The following PRKCE variants were observed in gnomAD, a reference collection of about 807,000 sequenced individuals.
The protein encoded by PRKCE is protein kinase C epsilon type.
Under a neutral mutation model 85.4 loss-of-function variants are expected in PRKCE, and 16 were observed. The observed-to-expected ratio is 0.19, with a 90% CI of 0.13 to 0.28. The LOEUF (loss-of-function observed/expected upper bound fraction) is 0.28, where lower values mean the gene tolerates loss of function less well. Among genes scored for constraint, PRKCE ranks in the 10% least tolerant of loss-of-function variants. PRKCE has a pLI of 1.00. For synonymous variants in PRKCE, 388 were observed against 371.5 expected (o/e 1.04, Z -0.51); for missense variants, 573 against 975.2 (o/e 0.59, Z 5.49).
intron 2 of PRKCE, among the ~76,000 whole-genome samples, chr2:45,960,289 G>C (rs965579578): frequency 6.6e-6 from 1 of 152,176 alleles, no homozygotes; most frequent in African/African-American, 2.4e-5. Context: ...CTTAGTGCCG[G>C]TTTCCTCATT....
chr2:46,085,261 G>C (rs1310449852), intron 10 of PRKCE, among the ~76,000 whole-genome samples: 1 of 152,122 alleles, frequency 6.6e-6, no homozygotes, highest in East Asian at 1.9e-4. Flanking sequence ...CCTTGCAGGA[G>C]GAAACCATAG....
At chr2:45,857,225 TG>T (rs1692750857) in intron 2 of PRKCE, among the ~76,000 whole-genome samples, 1 of 152,236 alleles carries the variant, frequency 6.6e-6, no homozygotes, top group South Asian at 2.1e-4. Flanking sequence ...AAAATGCTTC[TG>T]GAAGTCAAAG....
At chr2:45,929,350 G>A (rs2104022978) in intron 2 of PRKCE, among the ~76,000 whole-genome samples, 2 of 152,324 alleles carry the variant, frequency 1.3e-5, no homozygotes, top group South Asian at 4.1e-4. Context: ...GTTCCTCCCG[G>A]CGGAAGATGC....
Position 46,004,098 on chromosome 2 carries a change from A to G in PRKCE, c.967-444A>G, listed in dbSNP as rs1157661082. 8.3e-6 allele frequency: 2 copies of G among 240,338 alleles called. No individual in the cohort carries two copies. Among genetic ancestry groups the G allele is most frequent in the Non-Finnish European group, 1.7e-5 (2 of 119,576 alleles). 14.9% of individuals were successfully genotyped at this position (240,338 alleles called of 1,614,324 possible). A position where few individuals can be genotyped will look rare whatever the true frequency, so the allele number is the denominator to read the frequency against. On this transcript the variant is annotated intron_variant, in intron 7 of 14. Transcript: ENST00000306156. This position sits in a 1 kb window ranked among gnomAD's most constrained non-coding sequence, Gnocchi z 4.1. ...TGCTGGGGTAGATACCCACGTGGATAGTTGAACATTAGCCTTTTCCTGCTG... is the reference window on the plus strand; with the variant it reads ...TGCTGGGGTAGATACCCACGTGGATGGTTGAACATTAGCCTTTTCCTGCTG...
At chr2:46,135,905 T>G (rs1674943186) in intron 11 of PRKCE, among the ~76,000 whole-genome samples, 1 of 151,582 alleles carries the variant, frequency 6.6e-6, no homozygotes, top group African/African-American at 2.4e-5. Context: ...CTGCCAGTCA[T>G]CAACATTTGC....
intron 1 of PRKCE, among the ~76,000 whole-genome samples, chr2:45,832,740 G>A (rs769990168): frequency 2.2e-4 from 34 of 152,176 alleles, no homozygotes; most frequent in Non-Finnish European, 4.4e-4. Flanking sequence ...CCTATTGGAA[G>A]CATTGGGTCT....
At position 46,139,513 on chromosome 2, in the gene PRKCE, C is replaced by G. The variant is rs1439661865; in HGVS notation, c.1593-5580C>G. On this transcript the variant is annotated intron_variant, in intron 11 of 14. Transcript: ENST00000306156. The surrounding 1 kb of genome is among the most constrained non-coding windows in gnomAD (Gnocchi z 5.2). ...AAACAACTGTGCTCTAAATAAGATACAAGTTTCTTTCTTTTTCATATGAAA... is the reference window on the plus strand; with the variant it reads ...AAACAACTGTGCTCTAAATAAGATAGAAGTTTCTTTCTTTTTCATATGAAA... Among the ~76,000 whole-genome samples, 1 of 152,044 alleles carries G rather than the reference C, an allele frequency of 6.6e-6. No homozygotes were observed. Among genetic ancestry groups the G allele is most frequent in the African/African-American group, 2.4e-5 (1 of 41,416 alleles).
intron 2 of PRKCE, among the ~76,000 whole-genome samples, chr2:45,901,443 T>G (rs1696575724): frequency 6.6e-6 from 1 of 152,234 alleles, no homozygotes. Context: ...GCCCTGGGCC[T>G]TCTTGGAAAG....
At chr2:46,157,773 C>A (rs1208571926) in intron 13 of PRKCE, among the ~76,000 whole-genome samples, 1 of 152,210 alleles carries the variant, frequency 6.6e-6, no homozygotes, top group Non-Finnish European at 1.5e-5. Context: ...ACGGGAGGAG[C>A]TGAGGAAGTG....
chr2:45,664,448 G>T (rs1362993614), intron 1 of PRKCE, among the ~76,000 whole-genome samples: 1 of 152,204 alleles, frequency 6.6e-6, no homozygotes, highest in Non-Finnish European at 1.5e-5. Flanking sequence ...TTTATTATTA[G>T]ATGCAGGTAA....
At position 46,076,020 on chromosome 2, in the gene PRKCE, G is replaced by A. The variant is rs558308699; in HGVS notation, c.1438-10188G>A. Among the ~76,000 whole-genome samples, 6 of 152,354 alleles carry A rather than the reference G, an allele frequency of 3.9e-5. No homozygotes were observed. The South Asian group carries it at 1.0e-3, about 26-fold the overall frequency. On this transcript the variant is annotated intron_variant, in intron 10 of 14. Transcript: ENST00000306156. ...GTGGGGCGAAACCAGGAGGAAGCCA[G>A]CATACTGGAAAGTGATGATTCAGCC...
chr2:45,845,607 G>A (rs1034395365), intron 2 of PRKCE: 1 of 152,178 alleles, frequency 6.6e-6, no homozygotes, highest in Non-Finnish European at 1.5e-5. Context: ...GAGGTGTGGG[G>A]GTGAGATGGT....
chr2:46,146,766 A>ATGACATTCCAACATGAGCAAAGGCCAAGG (rs1232085623), intron 12 of PRKCE, among the ~76,000 whole-genome samples: 10 of 152,356 alleles, frequency 6.6e-5, no homozygotes, highest in African/African-American at 2.4e-4. Flanking sequence ...ATGACAACTT[A>ATGACATTCCAACATGAGCAAAGGCCAAGG]TGACATTCCA....
At chr2:46,151,280 TACAC>T (rs35676949) in intron 13 of PRKCE, 51 bp downstream of exon 13, 84,733 of 555,208 alleles carry the variant, frequency 0.15, 3,028 homozygotes, top group East Asian at 0.18. Flanking sequence ...CTCCTCCCCC[TACAC>T]ACACACACAC....
At chr2:45,870,697 G>A (rs959613789) in intron 2 of PRKCE, among the ~76,000 whole-genome samples, 1 of 152,192 alleles carries the variant, frequency 6.6e-6, no homozygotes, top group Non-Finnish European at 1.5e-5. Flanking sequence ...GACACAGTTT[G>A]TTCAAATCCA....
chr2:45,932,285 C>T (rs1009285543), intron 2 of PRKCE, among the ~76,000 whole-genome samples: 1 of 152,186 alleles, frequency 6.6e-6, no homozygotes, highest in Admixed American at 6.5e-5. Flanking sequence ...TAGACTAGTC[C>T]ATTGTGGGAA....
rs1008750696 is a variant in PRKCE at position 46,138,871 on chromosome 2, C to T, written c.1593-6222C>T. Among the ~76,000 whole-genome samples the T allele has an allele frequency of 1.3e-5, 2 of 152,138 alleles. No individual in the cohort carries two copies. The highest frequency in any genetic ancestry group is 4.8e-5 in the African/African-American group (2 of 41,410). On this transcript the variant is annotated intron_variant, in intron 11 of 14. Transcript: ENST00000306156. This position sits in a 1 kb window ranked among gnomAD's most constrained non-coding sequence, Gnocchi z 4.2. ...TCCAGTCCCAAATGTCAATCTCGTC[C>T]CAGCATGCCAAGGTTAAGACACACT...
chr2:45,692,472 C>T (rs1007297238), intron 1 of PRKCE, among the ~76,000 whole-genome samples: 1 of 152,122 alleles, frequency 6.6e-6, no homozygotes, highest in Non-Finnish European at 1.5e-5. Context: ...AATTAGGGCC[C>T]ACCCTAATGA....
chr2:46,119,532 A>T (rs1230389815), intron 11 of PRKCE, among the ~76,000 whole-genome samples: 1 of 152,184 alleles, frequency 6.6e-6, no homozygotes, highest in African/African-American at 2.4e-5. Context: ...GAATTCCCCT[A>T]ATTTCTAATC....
Sources: allele counts gnomAD v4.1 joint callset (sites outside exome capture counted in the v4.1 genomes callset), GRCh38; gene constraint gnomAD v4.1.1; non-coding constraint Gnocchi (gnomAD v3.1); transcripts MANE v1.5; gene names NCBI Gene and HGNC (gene_info 2026-07-23, HGNC 2026-07-21).